GLCE: variants seen among roughly 807,000 people sequenced by gnomAD.
GLCE encodes the protein D-glucuronyl C5-epimerase.
Under a neutral mutation model 47.9 loss-of-function variants are expected in GLCE, and 19 were observed. That is an observed-to-expected ratio of 0.40 (90% CI 0.28 to 0.58). GLCE has a LOEUF of 0.58. Among genes scored for constraint, GLCE ranks in the 20% least tolerant of loss-of-function variants. The probability of loss-of-function intolerance (pLI) is 0.48; values close to 1 mark genes in which losing one functional copy is unlikely to be tolerated. For synonymous variants in GLCE, 245 were observed against 263.4 expected, an observed-to-expected ratio of 0.93 and a Z score of 0.68; for missense variants, 556 against 743.3, an observed-to-expected ratio of 0.75 and a Z score of 2.93.
chr15:69,223,957 C>T (rs552437375), intron 2 of GLCE, among the ~76,000 whole-genome samples: 28 of 152,310 alleles, frequency 1.8e-4, no homozygotes, highest in African/African-American at 6.5e-4. Context: ...GTTTTTCATA[C>T]ATCATTTTCT....
intron 3 of GLCE, 136 bp downstream of exon 3, chr15:69,256,528 C>T: frequency 2.9e-6 from 2 of 680,984 alleles, no homozygotes; most frequent in Non-Finnish European, 4.9e-6. Flanking sequence ...CAGGGAGGAA[C>T]AGGTTAAGCC....
intron 2 of GLCE, among the ~76,000 whole-genome samples, chr15:69,237,752 G>A (rs900514299): frequency 1.3e-5 from 2 of 152,150 alleles, no homozygotes; most frequent in African/African-American, 4.8e-5. Flanking sequence ...GCAGGATGGC[G>A]CCAAACTTGG....
chr15:69,200,674 A>C (rs958797366), intron 1 of GLCE, among the ~76,000 whole-genome samples: 1 of 152,158 alleles, frequency 6.6e-6, no homozygotes, highest in Non-Finnish European at 1.5e-5. Flanking sequence ...CAGGGTGTTG[A>C]CAAGAAAAGC....
chr15:69,260,252 G>GCTT (rs57452657), intron 3 of GLCE, among the ~76,000 whole-genome samples: 2,485 of 79,354 alleles, frequency 0.031, 154 homozygotes, highest in African/African-American at 0.1. Flanking sequence ...GTCACAACTG[G>GCTT]TTTTTTTTTT....
At chr15:69,257,205 C>T (rs750919180) in intron 3 of GLCE, among the ~76,000 whole-genome samples, 4 of 152,084 alleles carry the variant, frequency 2.6e-5, no homozygotes, top group Non-Finnish European at 5.9e-5. Flanking sequence ...CTCCCACAGA[C>T]CGAAGGATTA....
chr15:69,248,698 C>T (rs2052791145), intron 2 of GLCE, among the ~76,000 whole-genome samples: 1 of 152,062 alleles, frequency 6.6e-6, no homozygotes, highest in Admixed American at 6.6e-5. Context: ...GATCTCAGCT[C>T]ACGGCAATTC....
At chr15:69,167,305 C>T (rs1031374093) in intron 1 of GLCE, among the ~76,000 whole-genome samples, 2 of 152,180 alleles carry the variant, frequency 1.3e-5, no homozygotes, top group South Asian at 2.1e-4. Context: ...GGGGAAGAAG[C>T]AAAAGCCTAG....
chr15:69,221,855 G>A lies in GLCE; in HGVS notation c.-14+11449G>A, dbSNP rs560839222. On this transcript the variant is annotated intron_variant, in intron 2 of 4. Transcript: ENST00000261858. ...TCTAGCCAGGGCAACAGAGTGAGACGCTGTCTCAAAAAAAAAAAAAAAAAA... is the reference window on the plus strand; with the variant it reads ...TCTAGCCAGGGCAACAGAGTGAGACACTGTCTCAAAAAAAAAAAAAAAAAA... Among the ~76,000 whole-genome samples, 8 of 110,914 alleles carry A rather than the reference G, an allele frequency of 7.2e-5. No homozygotes were observed. In the East Asian group the frequency reaches 7.7e-4, roughly 11 times the overall value. 72.8% of individuals were successfully genotyped at this position (110,914 alleles called of 152,430 possible). A position where few individuals can be genotyped will look rare whatever the true frequency, so the allele number is the denominator to read the frequency against.
chr15:69,186,120 C>T (rs75403522), intron 1 of GLCE, among the ~76,000 whole-genome samples: 18,524 of 152,088 alleles, frequency 0.12, 1,191 homozygotes, highest in East Asian at 0.16. Flanking sequence ...TGGGAACCTC[C>T]GTATGTTCAG....
intron 1 of GLCE, among the ~76,000 whole-genome samples, chr15:69,173,022 GTGTT>G (rs1421024696): frequency 1.3e-5 from 2 of 152,170 alleles, no homozygotes; most frequent in Non-Finnish European, 2.9e-5. Context: ...CAGTAGATGT[GTGTT>G]TGTTTAAGCA....
At chr15:69,229,138 C>G (rs2052486610) in intron 2 of GLCE, among the ~76,000 whole-genome samples, 1 of 152,210 alleles carries the variant, frequency 6.6e-6, no homozygotes, top group South Asian at 2.1e-4. Flanking sequence ...AAAAGCAATA[C>G]TAGACGTAAA....
chr15:69,242,765 C>T (rs991583270), intron 2 of GLCE, among the ~76,000 whole-genome samples: 2 of 151,990 alleles, frequency 1.3e-5, no homozygotes, highest in Non-Finnish European at 2.9e-5. Context: ...AAAACTGGAA[C>T]TAGGTGTGGT....
chr15:69,201,504 G>A (rs1276750806), intron 1 of GLCE, among the ~76,000 whole-genome samples: 3 of 151,192 alleles, frequency 2.0e-5, no homozygotes, highest in Admixed American at 1.3e-4. Context: ...AAAACATATA[G>A]CATTGCTTTA....
intron 1 of GLCE, among the ~76,000 whole-genome samples, chr15:69,185,386 T>C (rs1249536203): frequency 6.6e-6 from 1 of 152,166 alleles, no homozygotes; most frequent in African/African-American, 2.4e-5. Context: ...ATAGAAACTT[T>C]AGTAATTTGA....
chr15:69,260,644 G>A (rs1012338678), intron 3 of GLCE: 1 of 157,272 alleles, frequency 6.4e-6, no homozygotes, highest in Non-Finnish European at 1.4e-5. Flanking sequence ...AGGGAAAGAT[G>A]AGTATGTAGT....
intron 1 of GLCE, among the ~76,000 whole-genome samples, chr15:69,175,965 G>A (rs190848628): frequency 3.2e-4 from 49 of 152,268 alleles, no homozygotes; most frequent in African/African-American, 1.2e-3. Context: ...ATCACAAATA[G>A]GGAGGTGAGT....
At chr15:69,229,095 A>G (rs973788521) in intron 2 of GLCE, among the ~76,000 whole-genome samples, 1 of 152,266 alleles carries the variant, frequency 6.6e-6, no homozygotes, top group African/African-American at 2.4e-5. Flanking sequence ...TGATGAAGCT[A>G]TGCTAATATC....
intron 1 of GLCE, among the ~76,000 whole-genome samples, chr15:69,184,667 G>A (rs894504451): frequency 6.6e-6 from 1 of 152,140 alleles, no homozygotes; most frequent in Non-Finnish European, 1.5e-5. Context: ...AATGTAACTG[G>A]AAGTCCAGAG....
At chr15:69,235,094 T>C (rs1023695629) in intron 2 of GLCE, among the ~76,000 whole-genome samples, 8 of 14,378 alleles carry the variant, frequency 5.6e-4, no homozygotes, top group African/African-American at 1.1e-3. Flanking sequence ...AAGATTATTC[T>C]TTTTTTTTTT....
Sources: allele counts gnomAD v4.1 joint callset (sites outside exome capture counted in the v4.1 genomes callset), GRCh38; gene constraint gnomAD v4.1.1; transcripts MANE v1.5; gene names NCBI Gene and HGNC (gene_info 2026-07-23, HGNC 2026-07-21).